DLGAP1: variants seen among roughly 807,000 people sequenced by gnomAD.
DLGAP1 encodes DLG associated protein 1, also known as disks large-associated protein 1.
A neutral mutation model predicts 90.8 loss-of-function variants in DLGAP1; 11 were observed. That is an observed-to-expected ratio of 0.12 (90% CI 0.08 to 0.20). The LOEUF (loss-of-function observed/expected upper bound fraction) is 0.20, where lower values mean the gene tolerates loss of function less well. DLGAP1 is among the 10% of genes least tolerant of loss of function. The pLI, the probability that DLGAP1 is intolerant of heterozygous loss-of-function variation, is 1.00. For synonymous variants in DLGAP1, 558 were observed against 540.7 expected (o/e 1.03, Z -0.44); for missense variants, 1,050 against 1,333.8 (o/e 0.79, Z 3.31).
chr18:4,298,761 T>C (rs12962986), intron 1 of DLGAP1, among the ~76,000 whole-genome samples: 32,316 of 149,076 alleles, frequency 0.22, 3,550 homozygotes, highest in African/African-American at 0.26. Flanking sequence ...TACCCTAAAA[T>C]TTAAATAAAT....
intron 1 of DLGAP1, among the ~76,000 whole-genome samples, chr18:4,199,401 T>C (rs2077564803): frequency 1.3e-5 from 2 of 152,238 alleles, no homozygotes; most frequent in Non-Finnish European, 2.9e-5. Flanking sequence ...ATCAACAACA[T>C]GTCATCGTTT....
chr18:3,800,209 TA>T (rs796192503), intron 5 of DLGAP1, among the ~76,000 whole-genome samples: 2 of 152,370 alleles, frequency 1.3e-5, no homozygotes, highest in African/African-American at 4.8e-5. Context: ...TTTAAGTGAT[TA>T]AGTGCTTTGA....
chr18:3,792,095 TA>T (rs2065762113), intron 5 of DLGAP1, among the ~76,000 whole-genome samples: 1 of 152,148 alleles, frequency 6.6e-6, no homozygotes. Flanking sequence ...GCAGAAGCCC[TA>T]TGCCCCAGCC....
chr18:4,351,421 G>A (rs982717514), intron 1 of DLGAP1, among the ~76,000 whole-genome samples: 5 of 152,182 alleles, frequency 3.3e-5, no homozygotes, highest in African/African-American at 1.2e-4. Context: ...TAAGTTATTA[G>A]TAGCTCTGAG....
intron 5 of DLGAP1, among the ~76,000 whole-genome samples, chr18:3,782,533 G>T (rs935916762): frequency 6.6e-6 from 1 of 152,226 alleles, no homozygotes; most frequent in African/African-American, 2.4e-5. Flanking sequence ...TAAATCAGAA[G>T]AACTCAAGGG....
At chr18:3,956,439 C>G (rs992195898) in intron 3 of DLGAP1, among the ~76,000 whole-genome samples, 1 of 151,752 alleles carries the variant, frequency 6.6e-6, no homozygotes, top group African/African-American at 2.4e-5. Context: ...AGCTCCGCCT[C>G]CCGGGTTCAC....
intron 1 of DLGAP1, among the ~76,000 whole-genome samples, chr18:4,445,354 A>G (rs2083635888): frequency 6.6e-6 from 1 of 151,196 alleles, no homozygotes; most frequent in African/African-American, 2.4e-5. Context: ...TATGCAGGTT[A>G]GTTACATACG....
At chr18:4,090,919 AG>A (rs1280445776) in intron 2 of DLGAP1, among the ~76,000 whole-genome samples, 2 of 152,262 alleles carry the variant, frequency 1.3e-5, no homozygotes, top group Non-Finnish European at 1.5e-5. Flanking sequence ...GCCATAAAAA[AG>A]AATGAGACCA....
At chr18:3,999,822 T>A (rs1308451965) in intron 3 of DLGAP1, among the ~76,000 whole-genome samples, 2 of 152,190 alleles carry the variant, frequency 1.3e-5, no homozygotes, top group African/African-American at 4.8e-5. Context: ...GTTTTGTGTT[T>A]TCTTTCTGAG....
intron 3 of DLGAP1, among the ~76,000 whole-genome samples, chr18:4,000,310 A>G (rs767631291): frequency 3.3e-5 from 5 of 152,004 alleles, no homozygotes; most frequent in Non-Finnish European, 7.4e-5. Flanking sequence ...CCTGGCATCT[A>G]TTTTCAACGG....
intron 4 of DLGAP1, among the ~76,000 whole-genome samples, chr18:3,847,292 G>A (rs1598985322): frequency 6.6e-6 from 1 of 152,086 alleles, no homozygotes; most frequent in Non-Finnish European, 1.5e-5. Flanking sequence ...TTCTACACAA[G>A]GCAGATAGGG....
chr18:3,720,428 A>G (rs981995405), intron 7 of DLGAP1, among the ~76,000 whole-genome samples: 1 of 152,228 alleles, frequency 6.6e-6, no homozygotes, highest in African/African-American at 2.4e-5. Flanking sequence ...ATGCCGTTAT[A>G]GTAAAATCAT....
chr18:4,079,287 T>A (rs1598361059), intron 2 of DLGAP1, among the ~76,000 whole-genome samples: 1 of 142,510 alleles, frequency 7.0e-6, no homozygotes, highest in Admixed American at 7.1e-5. Flanking sequence ...AAAGAAAATG[T>A]CACACACACA....
intron 7 of DLGAP1, among the ~76,000 whole-genome samples, chr18:3,643,662 C>CAAAA (rs538678987): frequency 4.0e-4 from 26 of 65,010 alleles, no homozygotes; most frequent in African/African-American, 9.0e-4. Context: ...GACTCCATCT[C>CAAAA]AAAAAAAAAA....
At chr18:4,318,804 A>G (rs1215624649) in intron 1 of DLGAP1, among the ~76,000 whole-genome samples, 1 of 152,202 alleles carries the variant, frequency 6.6e-6, no homozygotes, top group East Asian at 1.9e-4. Flanking sequence ...AAGTTGTCAT[A>G]TGTTTATCAT....
At chr18:3,970,874 T>C (rs2073434542) in intron 3 of DLGAP1, among the ~76,000 whole-genome samples, 1 of 152,164 alleles carries the variant, frequency 6.6e-6, no homozygotes, top group Non-Finnish European at 1.5e-5. Flanking sequence ...CTGCCCTAGT[T>C]CTGAGGTCCC....
intron 3 of DLGAP1, among the ~76,000 whole-genome samples, chr18:3,990,659 AT>A (rs1568338132): frequency 1.1e-4 from 17 of 148,562 alleles, no homozygotes; most frequent in Non-Finnish European, 2.1e-4. Flanking sequence ...AATAATAATA[AT>A]AATAAAAAGA....
rs144466150 is a variant in DLGAP1, at chr18:3,889,704, T to A, written c.-72-9564A>T. Among the ~76,000 whole-genome samples the A allele has an allele frequency of 2.2e-3, 331 of 152,284 alleles. 2 individuals are homozygous for A. The highest frequency in any genetic ancestry group is 7.6e-3 in the African/African-American group (314 of 41,570). ...GGAAGACTGGACTCAGGGGCATCCA[T>A]GCAGAGCCTTCACTGAGCTAATGAG... On this transcript the variant is annotated intron_variant, in intron 3 of 12. Coordinates refer to ENST00000315677, the MANE Select transcript of DLGAP1 (RefSeq NM_004746.4).
chr18:4,269,532 T>G (rs1433055787), intron 1 of DLGAP1, among the ~76,000 whole-genome samples: 1 of 151,664 alleles, frequency 6.6e-6, no homozygotes, highest in Non-Finnish European at 1.5e-5. Context: ...TTTTGTGTAT[T>G]TTTAGTAGAG....
Sources: allele counts gnomAD v4.1 joint callset (sites outside exome capture counted in the v4.1 genomes callset), GRCh38; gene constraint gnomAD v4.1.1; transcripts MANE v1.5; gene names NCBI Gene and HGNC (gene_info 2026-07-23, HGNC 2026-07-21).